The following SDK1 variants were observed in gnomAD, a reference collection of about 807,000 sequenced individuals.
SDK1 encodes the protein protein sidekick-1.
SDK1 carries 157 observed loss-of-function variants against 245.5 expected under a neutral mutation model. The ratio of observed to expected loss-of-function variants is 0.64; its 90% CI spans 0.56 to 0.73. The LOEUF (loss-of-function observed/expected upper bound fraction) is 0.73, where lower values mean the gene tolerates loss of function less well. Among genes scored for constraint, SDK1 ranks in the 30% least tolerant of loss-of-function variants. The probability of loss-of-function intolerance (pLI) is 0.00; values close to 1 mark genes in which losing one functional copy is unlikely to be tolerated. For synonymous variants in SDK1, 1,647 were observed against 1,278.5 expected, an observed-to-expected ratio of 1.29 and a Z score of -6.15; for missense variants, 3,583 against 3,002.3, an observed-to-expected ratio of 1.19 and a Z score of -4.52.
intron 1 of SDK1, among the ~76,000 whole-genome samples, chr7:3,367,904 A>T (rs891793268): frequency 6.6e-6 from 1 of 152,224 alleles, no homozygotes; most frequent in African/African-American, 2.4e-5. Context: ...TTCTTTAGAA[A>T]CTTAGAATAA....
intron 1 of SDK1, among the ~76,000 whole-genome samples, chr7:3,560,658 C>G (rs758803277): frequency 6.6e-6 from 1 of 152,140 alleles, no homozygotes; most frequent in Non-Finnish European, 1.5e-5. Flanking sequence ...AACATCAGAG[C>G]AGGTGGCACC....
At chr7:4,189,648 G>A (rs1014786652) in intron 35 of SDK1, among the ~76,000 whole-genome samples, 4 of 152,178 alleles carry the variant, frequency 2.6e-5, no homozygotes, top group South Asian at 2.1e-4. Flanking sequence ...TCAGGAGTTC[G>A]AAACCAGCCT....
chr7:3,943,596 C>T (rs1481914106), intron 5 of SDK1, among the ~76,000 whole-genome samples: 1 of 150,966 alleles, frequency 6.6e-6, no homozygotes, highest in Admixed American at 6.6e-5. Flanking sequence ...CTTGCTCATT[C>T]GACCGCTCCC....
Position 4,233,386 on chromosome 7 carries a change from G to A in SDK1, c.5959G>A (p.Gly1987Arg), listed in dbSNP as rs908084621. The change falls in exon 41 of 45, where the codon GGG becomes AGG. Residue 1987 changes from glycine (G) to arginine (R), a missense_variant. Gly to Arg is a moderately radical substitution (Grantham distance 125, BLOSUM62 -2). Coordinates refer to ENST00000404826, the MANE Select transcript of SDK1 (RefSeq NM_152744.4). ...GGTGGCTGTGAATGAGGCGGGCTAC[G>A]GGGAGCCCAGCAACCCCTCCACGGC... ...RVVAVNEAGY[G>R]EPSNPSTAVS... 3.5e-5 allele frequency: 57 copies of A among 1,613,172 alleles called. No homozygotes were observed. The highest frequency in any genetic ancestry group is 4.4e-5 in the Non-Finnish European group (52 of 1,180,026).
intron 43 of SDK1, among the ~76,000 whole-genome samples, chr7:4,243,831 G>T (rs908164009): frequency 6.6e-6 from 1 of 152,290 alleles, no homozygotes; most frequent in South Asian, 2.1e-4. Flanking sequence ...AAGGGTCTGG[G>T]CAGGGACACC....
At chr7:3,967,848 A>G (rs1292335221) in intron 10 of SDK1, among the ~76,000 whole-genome samples, 2 of 152,220 alleles carry the variant, frequency 1.3e-5, no homozygotes, top group Non-Finnish European at 1.5e-5. Flanking sequence ...GCCCAGTTCC[A>G]AACAGGTCTG....
chr7:4,007,077 C>G (rs796529158), intron 14 of SDK1, among the ~76,000 whole-genome samples: 10 of 152,356 alleles, frequency 6.6e-5, no homozygotes, highest in African/African-American at 2.4e-4. Context: ...GACTGCTAGA[C>G]ACTGTGATGT....
At chr7:3,759,338 T>A (rs2114987492) in intron 4 of SDK1, among the ~76,000 whole-genome samples, 1 of 152,272 alleles carries the variant, frequency 6.6e-6, no homozygotes, top group African/African-American at 2.4e-5. Context: ...TAGAAACATT[T>A]TTAAAAGAGC....
chr7:3,957,171 G>T (rs569240351), intron 7 of SDK1, among the ~76,000 whole-genome samples: 211 of 152,306 alleles, frequency 1.4e-3, no homozygotes, highest in African/African-American at 4.7e-3. Context: ...GTGAGGGGTG[G>T]GGGTTTGGGG....
At chr7:3,498,445 G>A (rs1782090839) in intron 1 of SDK1, among the ~76,000 whole-genome samples, 1 of 152,142 alleles carries the variant, frequency 6.6e-6, no homozygotes, top group Non-Finnish European at 1.5e-5. Context: ...GATGATAGTA[G>A]CTTTCTCATT....
At chr7:3,610,164 A>G (rs113951664) in intron 1 of SDK1, among the ~76,000 whole-genome samples, 9 of 152,248 alleles carry the variant, frequency 5.9e-5, no homozygotes, top group African/African-American at 2.4e-5. Context: ...TAATTTCTTG[A>G]TATAAAATTA....
chr7:3,331,108 A>G (rs952834219), intron 1 of SDK1, among the ~76,000 whole-genome samples: 2 of 152,140 alleles, frequency 1.3e-5, no homozygotes, highest in African/African-American at 4.8e-5. Context: ...TACTAAAAAT[A>G]CAAAAATTAG....
chr7:3,574,850 TAAGAA>T (rs1210403652), intron 1 of SDK1, among the ~76,000 whole-genome samples: 1 of 151,998 alleles, frequency 6.6e-6, no homozygotes, highest in Non-Finnish European at 1.5e-5. Flanking sequence ...ATTACAGAAT[TAAGAA>T]GAGAAGTACC....
rs551391432 is a variant in SDK1, at chr7:3,378,690, A to T, written c.298+76806A>T. On this transcript the variant is annotated intron_variant, in intron 1 of 44. Transcript: ENST00000404826. ...TGTATTTCTGTTCACATTTGTAGGTAAGGATCTGCAACTCAGCGTTGCGTG... is the reference window on the plus strand; with the variant it reads ...TGTATTTCTGTTCACATTTGTAGGTTAGGATCTGCAACTCAGCGTTGCGTG... Among the ~76,000 whole-genome samples, 7 of 152,196 alleles carry T rather than the reference A, an allele frequency of 4.6e-5. No individual in the cohort carries two copies. In the East Asian group the frequency reaches 1.4e-3, roughly 29 times the overall value.
intron 1 of SDK1, among the ~76,000 whole-genome samples, chr7:3,598,858 A>C (rs555931131): frequency 6.0e-4 from 81 of 134,946 alleles, no homozygotes; most frequent in Non-Finnish European, 1.1e-3. Flanking sequence ...TATACCATTC[A>C]CCTTTTGAAG....
At chr7:4,066,960 C>G (rs967278546) in intron 19 of SDK1, among the ~76,000 whole-genome samples, 1 of 152,160 alleles carries the variant, frequency 6.6e-6, no homozygotes, top group Non-Finnish European at 1.5e-5. Flanking sequence ...GGGTGGCATC[C>G]TCTGATCCTA....
chr7:3,974,584 T>C, intron 13 of SDK1, 39 bp downstream of exon 13: 1 of 1,593,196 alleles, frequency 6.3e-7, no homozygotes, highest in Non-Finnish European at 8.6e-7. Flanking sequence ...AGTCCGCGGT[T>C]TTCTCCGTTA....
chr7:3,455,179 A>G (rs1396562673), intron 1 of SDK1, among the ~76,000 whole-genome samples: 2 of 151,450 alleles, frequency 1.3e-5, no homozygotes, highest in Admixed American at 6.6e-5. Flanking sequence ...TATATATTCT[A>G]GATACTTGTT....
chr7:4,071,882 T>C (rs1471318162), intron 20 of SDK1, among the ~76,000 whole-genome samples: 1 of 152,212 alleles, frequency 6.6e-6, no homozygotes, highest in African/African-American at 2.4e-5. Context: ...AGAGACTCCT[T>C]GGTAGATGTG....
Sources: allele counts gnomAD v4.1 joint callset (sites outside exome capture counted in the v4.1 genomes callset), GRCh38; gene constraint gnomAD v4.1.1; transcripts MANE v1.5; gene names NCBI Gene and HGNC (gene_info 2026-07-23, HGNC 2026-07-21).